TCF25: variants seen among roughly 807,000 people sequenced by gnomAD.
TCF25 encodes the protein TCF25 ribosome quality control complex subunit, also known as ribosome quality control complex subunit TCF25.
In TCF25, 41 loss-of-function variants were observed where a neutral mutation model predicts 83.1. That is an observed-to-expected ratio of 0.49 (90% confidence interval 0.38 to 0.64). The LOEUF is 0.64. Ranked by LOEUF, TCF25 falls within the 30% of genes least tolerant of loss-of-function variation. TCF25 has a pLI of 0.00. For synonymous variants in TCF25, 458 were observed against 365.0 expected (o/e 1.25, Z -2.90); for missense variants, 979 against 914.5 (o/e 1.07, Z -0.91).
intron 12 of TCF25, among the ~76,000 whole-genome samples, chr16:89,901,456 G>A (rs925368324): frequency 6.7e-6 from 1 of 149,180 alleles, no homozygotes; most frequent in Non-Finnish European, 1.5e-5. Context: ...TCCTTAAGAC[G>A]GGCCTCCGGC....
chr16:89,900,577 T>G (rs2144204402), intron 11 of TCF25, 58 bp from the exon 12 acceptor site: 1 of 1,507,130 alleles, frequency 6.6e-7, no homozygotes, highest in Non-Finnish European at 9.0e-7. Flanking sequence ...GTCTGCAAAC[T>G]CACATATTTT....
intron 2 of TCF25, 52 bp downstream of exon 2, chr16:89,883,564 A>C (rs377244297): frequency 1.3e-6 from 2 of 1,534,680 alleles, no homozygotes. Flanking sequence ...GTTCCAAGGC[A>C]CCCAGCCACG....
chr16:89,875,301 A>G (rs2042093888), intron 1 of TCF25, among the ~76,000 whole-genome samples: 1 of 151,842 alleles, frequency 6.6e-6, no homozygotes, highest in Non-Finnish European at 1.5e-5. Flanking sequence ...CTTTGTGACA[A>G]CCTGTTTATA....
At chr16:89,884,798 G>C in intron 3 of TCF25, 142 bp downstream of exon 3, 1 of 660,010 alleles carries the variant, frequency 1.5e-6, no homozygotes, top group South Asian at 2.0e-5. Context: ...CCCTCTGCCT[G>C]ACGCCCTCTC....
intron 5 of TCF25, chr16:89,889,142 A>G (rs544695885): frequency 9.2e-6 from 3 of 325,152 alleles, no homozygotes; most frequent in African/African-American, 2.3e-5. Context: ...TGTAGGAGGT[A>G]TATTCCACCT....
At chr16:89,883,812 G>A (rs1265908210) in intron 2 of TCF25, 5 of 293,224 alleles carry the variant, frequency 1.7e-5, no homozygotes, top group African/African-American at 6.2e-5. Flanking sequence ...AGCCGACCGC[G>A]CACGTGTGTG....
intron 2 of TCF25, 77 bp downstream of exon 2, chr16:89,883,589 TG>T: frequency 6.9e-7 from 1 of 1,452,772 alleles, no homozygotes; most frequent in Non-Finnish European, 9.2e-7. Context: ...TCCTGTGCTG[TG>T]ATTTTCCTTG....
chr16:89,900,613 T>C, intron 11 of TCF25, 22 bp from the exon 12 acceptor site: 1 of 1,563,990 alleles, frequency 6.4e-7, no homozygotes, highest in Non-Finnish European at 8.8e-7. Context: ...GGCTCCACGC[T>C]CTGTTTCTTC....
chr16:89,878,745 A>G (rs2042378731), intron 1 of TCF25: 6 of 801,254 alleles, frequency 7.5e-6, no homozygotes, highest in African/African-American at 1.9e-5. Flanking sequence ...GATTCACTCC[A>G]TTGTCCAGCC....
At chr16:89,873,965 G>GA in intron 1 of TCF25, 106 bp downstream of exon 1, 1 of 1,274,684 alleles carries the variant, frequency 7.8e-7, no homozygotes, top group Non-Finnish European at 1.0e-6. Flanking sequence ...CCAGGGGTGG[G>GA]AAGGGTGACG....
intron 16 of TCF25, among the ~76,000 whole-genome samples, chr16:89,908,241 CCTCCCAGCTCCCA>C (rs2045135825): frequency 9.0e-6 from 1 of 111,484 alleles, no homozygotes; most frequent in African/African-American, 3.9e-5. Flanking sequence ...TCAGTTCCCA[CCTCCCAGCTCCCA>C]CCTCCCAGCT....
intron 12 of TCF25, among the ~76,000 whole-genome samples, chr16:89,901,702 G>A (rs1478088922): frequency 2.9e-5 from 1 of 34,302 alleles, no homozygotes; most frequent in African/African-American, 1.2e-4. Context: ...CCGAGATCGC[G>A]CCACTGCACT....
In TCF25 at chr16:89,893,868, C is replaced by G. The variant is rs749650744; in HGVS notation, c.828+10C>G. 30 of 1,592,874 alleles carry G rather than the reference C, an allele frequency of 1.9e-5. No individual in the cohort carries two copies. The East Asian group carries it at 6.2e-4, about 33-fold the overall frequency. ...GCCGAACAACATCGTGGTGCGTGGT[C>G]CCTGCAGCCCCTGACAGGAGCAGGG... On this transcript the variant is annotated intron_variant, in intron 7 of 17. Transcript: ENST00000263346.
At chr16:89,904,447 G>A (rs2044605722) in intron 13 of TCF25, 1 of 571,578 alleles carries the variant, frequency 1.7e-6, no homozygotes, top group Admixed American at 3.1e-5. Flanking sequence ...TAAAGAGGGT[G>A]CCAGGCGTGG....
intron 12 of TCF25, among the ~76,000 whole-genome samples, chr16:89,903,465 G>A (rs562883674): frequency 6.6e-6 from 1 of 152,356 alleles, no homozygotes; most frequent in East Asian, 1.9e-4. Flanking sequence ...GAGCATAGGA[G>A]TTCGAGACCA....
In TCF25 at chr16:89,904,323, G is replaced by A; in HGVS notation, c.1469+118G>A. 4.3e-6 allele frequency: 5 copies of A among 1,166,428 alleles called. No homozygotes were observed. The South Asian group carries it at 6.7e-5, about 16-fold the overall frequency. 72.3% of individuals were successfully genotyped at this position (1,166,428 alleles called of 1,614,324 possible). On this transcript the variant is annotated intron_variant, in intron 13 of 17. Transcript: ENST00000263346. ...TGCTTCCAGCAGCAGGAGGGGCTGT[G>A]GTGGCGGCCTCGGGGACTGTCATTT...
chr16:89,893,232 T>G (rs1205947338), intron 6 of TCF25, among the ~76,000 whole-genome samples: 1 of 152,128 alleles, frequency 6.6e-6, no homozygotes, highest in East Asian at 1.9e-4. Flanking sequence ...ATACACCCAG[T>G]CAGACAAGAG....
chr16:89,893,294 C>T (rs1367806548), intron 6 of TCF25, among the ~76,000 whole-genome samples: 2 of 152,242 alleles, frequency 1.3e-5, no homozygotes, highest in African/African-American at 4.8e-5. Flanking sequence ...GCTTCAGAGG[C>T]CTGGCGCTGT....
Position 89,873,873 on chromosome 16 carries a change from C to A in TCF25, c.192+14C>A. 1 of 880,962 alleles carries A rather than the reference C, an allele frequency of 1.1e-6. No individual in the cohort carries two copies. Among genetic ancestry groups the A allele is most frequent in the African/African-American group, 1.9e-5 (1 of 53,694 alleles). 54.6% of individuals were successfully genotyped at this position (880,962 alleles called of 1,614,324 possible). ...CGCTTCGAGCTGGTGAGGAGCGCGGCGGCCCGGGTGGGGGTGGGGTGGCCC... is the reference window on the plus strand; with the variant it reads ...CGCTTCGAGCTGGTGAGGAGCGCGGAGGCCCGGGTGGGGGTGGGGTGGCCC... On this transcript the variant is annotated intron_variant, in intron 1 of 17. Transcript: ENST00000263346.
Sources: gnomAD v4.1 joint callset for allele counts (sites outside exome capture counted in the v4.1 genomes callset) on GRCh38, gnomAD v4.1.1 for gene constraint, MANE v1.5 for transcripts, NCBI Gene and HGNC (gene_info 2026-07-23, HGNC 2026-07-21) for gene names.